KLHL29: variants seen among roughly 807,000 people sequenced by gnomAD.
KLHL29 encodes the protein kelch like family member 29, also known as kelch-like protein 29.
A neutral mutation model predicts 80.4 loss-of-function variants in KLHL29; 21 were observed. That is an observed-to-expected ratio of 0.26 (90% CI 0.19 to 0.38). The LOEUF is 0.38. Among genes scored for constraint, KLHL29 ranks in the 10% least tolerant of loss-of-function variants. The pLI, the probability that KLHL29 is intolerant of heterozygous loss-of-function variation, is 1.00. For synonymous variants in KLHL29, 511 were observed against 526.8 expected, an observed-to-expected ratio of 0.97 and a Z score of 0.41; for missense variants, 867 against 1,223.9, an observed-to-expected ratio of 0.71 and a Z score of 4.35.
intron 6 of KLHL29, among the ~76,000 whole-genome samples, chr2:23,687,877 C>T (rs1481836047): frequency 2.6e-5 from 4 of 152,178 alleles, no homozygotes; most frequent in South Asian, 2.1e-4. Context: ...GGGGGCGTTG[C>T]GACCAGATGT....
chr2:23,613,651 C>T (rs372819172), intron 3 of KLHL29, among the ~76,000 whole-genome samples: 2 of 150,888 alleles, frequency 1.3e-5, no homozygotes, highest in Non-Finnish European at 2.9e-5. Flanking sequence ...GTAATCCCAG[C>T]TACTCGGGAG....
intron 5 of KLHL29, among the ~76,000 whole-genome samples, chr2:23,670,461 G>A (rs1235876717): frequency 6.6e-6 from 1 of 152,066 alleles, no homozygotes; most frequent in Non-Finnish European, 1.5e-5. Flanking sequence ...CCGAAGCAGT[G>A]TTCCACCCTT....
intron 3 of KLHL29, among the ~76,000 whole-genome samples, chr2:23,582,468 A>G (rs767105973): frequency 4.6e-5 from 7 of 152,162 alleles, no homozygotes; most frequent in Non-Finnish European, 1.0e-4. Context: ...GGGGACCCCT[A>G]TGACTCAGGG....
chr2:23,704,397 GC>G (rs1459087208), intron 13 of KLHL29, among the ~76,000 whole-genome samples: 2 of 152,174 alleles, frequency 1.3e-5, no homozygotes, highest in East Asian at 3.9e-4. Context: ...AGGCTTTCTG[GC>G]CCTGTGGCAG....
At chr2:23,490,369 A>G (rs1292182313) in intron 2 of KLHL29, among the ~76,000 whole-genome samples, 1 of 152,216 alleles carries the variant, frequency 6.6e-6, no homozygotes, top group Non-Finnish European at 1.5e-5. Flanking sequence ...TGGTCCTGAC[A>G]ACACTCGGAC....
At chr2:23,451,005 G>A (rs1361698827) in intron 1 of KLHL29, among the ~76,000 whole-genome samples, 1 of 152,078 alleles carries the variant, frequency 6.6e-6, no homozygotes, top group African/African-American at 2.4e-5. Context: ...AGCTTTCCCT[G>A]TTCTGGACAG....
At chr2:23,453,804 AT>A (rs142588377) in intron 1 of KLHL29, among the ~76,000 whole-genome samples, 60 of 150,388 alleles carry the variant, frequency 4.0e-4, no homozygotes, top group South Asian at 2.1e-3. Context: ...TTTGTTTTGT[AT>A]TTTTTTTTTA....
intron 3 of KLHL29, among the ~76,000 whole-genome samples, chr2:23,631,636 C>A (rs920780523): frequency 3.0e-4 from 45 of 152,252 alleles, no homozygotes; most frequent in Admixed American, 1.4e-3. Context: ...CCTGGCCCCG[C>A]GTAGGGATTT....
chr2:23,572,794 G>A (rs911640313), intron 3 of KLHL29, among the ~76,000 whole-genome samples: 6 of 150,862 alleles, frequency 4.0e-5, no homozygotes, highest in South Asian at 2.1e-4. Context: ...TCTGCTTCCC[G>A]GGTTCACACC....
chr2:23,615,046 A>G (rs148009204), intron 3 of KLHL29, among the ~76,000 whole-genome samples: 161 of 152,306 alleles, frequency 1.1e-3, no homozygotes, highest in Admixed American at 3.7e-3. Context: ...CCCTCTCCCT[A>G]GAACCTGCGC....
chr2:23,568,316 T>C (rs1667639287), intron 3 of KLHL29, among the ~76,000 whole-genome samples: 1 of 152,218 alleles, frequency 6.6e-6, no homozygotes, highest in Non-Finnish European at 1.5e-5. Context: ...ACCTGGGGTT[T>C]TAAAGCCATA....
At chr2:23,578,172 T>A (rs1558395271) in intron 3 of KLHL29, among the ~76,000 whole-genome samples, 1 of 152,062 alleles carries the variant, frequency 6.6e-6, no homozygotes, top group Non-Finnish European at 1.5e-5. Flanking sequence ...GCCAAGAGGT[T>A]TCTCTGCATG....
At chr2:23,399,736 AC>A (rs1462380394) in intron 1 of KLHL29, among the ~76,000 whole-genome samples, 1 of 151,896 alleles carries the variant, frequency 6.6e-6, no homozygotes, top group Non-Finnish European at 1.5e-5. Flanking sequence ...CTTCTGGTCA[AC>A]CCCCATCTTC....
intron 1 of KLHL29, among the ~76,000 whole-genome samples, chr2:23,422,218 CTGTGTGTGTAGTGTGTT>C (rs1401286948): frequency 6.8e-6 from 1 of 147,888 alleles, no homozygotes; most frequent in Non-Finnish European, 1.5e-5. Flanking sequence ...GTGTCTATGT[CTGTGTGTGTAGTGTGTT>C]TGTGTGTGTG....
chr2:23,505,074 A>G (rs1375701828), intron 2 of KLHL29, among the ~76,000 whole-genome samples: 2 of 152,230 alleles, frequency 1.3e-5, no homozygotes, highest in East Asian at 3.9e-4. Context: ...CCCCTCTACC[A>G]GAATGCTCTG....
intron 1 of KLHL29, among the ~76,000 whole-genome samples, chr2:23,471,397 T>C (rs1248839557): frequency 6.6e-6 from 1 of 152,230 alleles, no homozygotes; most frequent in East Asian, 1.9e-4. Flanking sequence ...GTTTGGTTCA[T>C]GTTAGGAACT....
chr2:23,639,511 T>C (rs969845468), intron 4 of KLHL29, among the ~76,000 whole-genome samples: 25 of 152,208 alleles, frequency 1.6e-4, no homozygotes, highest in Non-Finnish European at 5.9e-5. Context: ...GGAGTGAGAA[T>C]GACATTATCA....
chr2:23,674,158 C>T (rs556098341), intron 5 of KLHL29, among the ~76,000 whole-genome samples: 3 of 152,326 alleles, frequency 2.0e-5, no homozygotes, highest in Non-Finnish European at 2.9e-5. Flanking sequence ...AGTACACAAA[C>T]GCTCTGTGAG....
intron 2 of KLHL29, among the ~76,000 whole-genome samples, chr2:23,504,684 G>A (rs1665549738): frequency 6.6e-6 from 1 of 152,240 alleles, no homozygotes. Context: ...CTGGAGCAAG[G>A]TTCTAGTGCC....
Sources: gnomAD v4.1 joint callset for allele counts (sites outside exome capture counted in the v4.1 genomes callset) on GRCh38, gnomAD v4.1.1 for gene constraint, MANE v1.5 for transcripts, NCBI Gene and HGNC (gene_info 2026-07-23, HGNC 2026-07-21) for gene names.